INPP4B: variants seen among roughly 807,000 people sequenced by gnomAD.
INPP4B encodes the protein inositol polyphosphate 4-phosphatase type II.
Under a neutral mutation model 122.5 loss-of-function variants are expected in INPP4B, and 55 were observed. The observed-to-expected ratio is 0.45, with a 90% CI of 0.36 to 0.56. The LOEUF (loss-of-function observed/expected upper bound fraction) is 0.56, where lower values mean the gene tolerates loss of function less well. INPP4B is among the 20% of genes least tolerant of loss of function. The pLI is 0.00. For missense variants in INPP4B, 1,000 were observed against 1,097.7 expected (o/e 0.91, Z 1.26); for synonymous variants, 403 against 388.7 (o/e 1.04, Z -0.43).
chr4:142,255,183 C>T (rs1306983711), intron 11 of INPP4B, among the ~76,000 whole-genome samples: 2 of 151,508 alleles, frequency 1.3e-5, no homozygotes, highest in African/African-American at 4.9e-5. Flanking sequence ...CAGGCCTGCC[C>T]TAAAAGAGCT....
intron 2 of INPP4B, among the ~76,000 whole-genome samples, chr4:142,464,055 A>T (rs1406812682): frequency 2.6e-5 from 4 of 152,332 alleles, no homozygotes; most frequent in South Asian, 2.1e-4. Context: ...TGGCAAAGAC[A>T]GGTGAAGTAA....
chr4:142,236,229 G>GT (rs1856659354), intron 12 of INPP4B, among the ~76,000 whole-genome samples: 1 of 152,122 alleles, frequency 6.6e-6, no homozygotes, highest in Admixed American at 6.6e-5. Context: ...GTGGTTCTTG[G>GT]TGTCCAGTGG....
intron 2 of INPP4B, among the ~76,000 whole-genome samples, chr4:142,670,706 G>A (rs576264317): frequency 1.3e-5 from 2 of 152,152 alleles, no homozygotes; most frequent in South Asian, 4.1e-4. Flanking sequence ...CAGTTAGATA[G>A]AAGAAGTATG....
At chr4:142,810,768 C>T (rs879881969) in intron 1 of INPP4B, among the ~76,000 whole-genome samples, 5 of 152,098 alleles carry the variant, frequency 3.3e-5, no homozygotes, top group Non-Finnish European at 7.3e-5. Flanking sequence ...ACATTGTAAT[C>T]CTAAAGTCAC....
At chr4:142,760,590 A>G (rs1449041269) in intron 1 of INPP4B, among the ~76,000 whole-genome samples, 1 of 152,122 alleles carries the variant, frequency 6.6e-6, no homozygotes, top group East Asian at 1.9e-4. Context: ...ACTTTCAACT[A>G]CTGACTCAAA....
chr4:142,317,932 T>G (rs569688312), intron 7 of INPP4B, among the ~76,000 whole-genome samples: 10 of 152,230 alleles, frequency 6.6e-5, no homozygotes, highest in Non-Finnish European at 1.3e-4. Flanking sequence ...CTGTCTCCCA[T>G]GTTATAGAAG....
In INPP4B at chr4:142,097,225, T is replaced by TTTTATTTTATTTTATGTTA. The variant is rs70949153; in HGVS notation, c.2374+10867_2374+10868insTAACATAAAATAAAATAAA. On this transcript the variant is annotated intron_variant, in intron 23 of 25. Transcript: ENST00000262992. Reference sequence around the variant, plus strand: ...TCCATTTTTTGTTTATTTTATGTTATTTTTATTTTATTTTATTTTATTTTA... The same window carrying TTTTATTTTATTTTATGTTA: ...TCCATTTTTTGTTTATTTTATGTTATTTTATTTTATTTTATGTTATTTTATTTTATTTTATTTTATTTTA... 8.1e-5 allele frequency among the ~76,000 whole-genome samples: 11 copies of TTTTATTTTATTTTATGTTA among 135,556 alleles called. No homozygotes were observed. In the East Asian group the frequency reaches 2.1e-3, roughly 25 times the overall value. The allele number at this position is 135,556 out of a possible 152,430, so 88.9% of individuals were successfully genotyped here. A position where few individuals can be genotyped will look rare whatever the true frequency, so the allele number is the denominator to read the frequency against.
At chr4:142,524,227 G>A (rs1432826923) in intron 2 of INPP4B, among the ~76,000 whole-genome samples, 1 of 152,102 alleles carries the variant, frequency 6.6e-6, no homozygotes, top group Non-Finnish European at 1.5e-5. Flanking sequence ...CTGAGGAATC[G>A]CCGCACCGAC....
chr4:142,676,434 G>C (rs115386155), intron 2 of INPP4B, among the ~76,000 whole-genome samples: 4,400 of 151,868 alleles, frequency 0.029, 198 homozygotes, highest in African/African-American at 0.098. Context: ...TTTATAGAGC[G>C]AATACTATCC....
chr4:142,264,098 G>C (rs575996849), intron 10 of INPP4B, among the ~76,000 whole-genome samples: 2 of 152,200 alleles, frequency 1.3e-5, no homozygotes, highest in Admixed American at 6.5e-5. Flanking sequence ...GAAGCTGTGA[G>C]AGGAAAGACA....
At chr4:142,527,960 C>T (rs1050562232) in intron 2 of INPP4B, among the ~76,000 whole-genome samples, 3 of 151,802 alleles carry the variant, frequency 2.0e-5, no homozygotes, top group Non-Finnish European at 4.4e-5. Flanking sequence ...TAAATCAAGG[C>T]AATAGAACCA....
rs1244234405 is a variant in INPP4B at position 142,260,529 on chromosome 4, A to G, written c.651T>C (p.Ser217=). 4.3e-6 allele frequency: 7 copies of G among 1,610,268 alleles called. No individual in the cohort carries two copies. Among genetic ancestry groups the G allele is most frequent in the Middle Eastern group, 3.3e-4 (2 of 6,048 alleles). Residue 217 remains serine, a synonymous_variant, in exon 11 of 26, where the codon AGT becomes AGC. Transcript: ENST00000262992. ...ALVCECTAPE[S]VSGKDNLPFL... ...AAGGTAAGTTATCTTTTCCGCTCAC[A>G]CTTTCCGGGGCTGTACATTCACATA... is the stretch of plus-strand genomic sequence containing the variant.
chr4:142,107,454 C>T (rs1345722060), intron 23 of INPP4B, among the ~76,000 whole-genome samples: 1 of 152,046 alleles, frequency 6.6e-6, no homozygotes, highest in Non-Finnish European at 1.5e-5. Flanking sequence ...AATACATTCC[C>T]AGCTCTCTGA....
chr4:142,395,829 G>A (rs1799183946), intron 7 of INPP4B, among the ~76,000 whole-genome samples: 1 of 152,100 alleles, frequency 6.6e-6, no homozygotes, highest in South Asian at 2.1e-4. Context: ...CCAATTATAG[G>A]AGGAAGTATC....
chr4:142,298,478 A>G (rs1410268317), intron 9 of INPP4B, among the ~76,000 whole-genome samples: 2 of 151,858 alleles, frequency 1.3e-5, no homozygotes, highest in Non-Finnish European at 2.9e-5. Flanking sequence ...CGAGGTCAGG[A>G]GATCAAGACA....
chr4:142,169,865 T>A (rs1421638327), intron 16 of INPP4B, among the ~76,000 whole-genome samples: 3 of 151,702 alleles, frequency 2.0e-5, no homozygotes, highest in Non-Finnish European at 3.0e-5. Context: ...ATAGTGCTTT[T>A]TGATGAGCAG....
chr4:142,237,436 A>G (rs140893594), intron 12 of INPP4B, among the ~76,000 whole-genome samples: 149 of 152,262 alleles, frequency 9.8e-4, no homozygotes, highest in Non-Finnish European at 1.8e-3. Context: ...AGGTGAGGTT[A>G]ACTTTAATAA....
intron 7 of INPP4B, among the ~76,000 whole-genome samples, chr4:142,340,930 T>G (rs933379130): frequency 1.3e-5 from 2 of 152,134 alleles, no homozygotes; most frequent in Non-Finnish European, 2.9e-5. Flanking sequence ...CATATCTGGT[T>G]CTGAGAAAGG....
intron 2 of INPP4B, among the ~76,000 whole-genome samples, chr4:142,499,576 A>G (rs1319863853): frequency 2.0e-5 from 3 of 152,178 alleles, no homozygotes; most frequent in Non-Finnish European, 4.4e-5. Context: ...TTACATTTAC[A>G]AACTATTTTT....
Sources: allele counts gnomAD v4.1 joint callset (sites outside exome capture counted in the v4.1 genomes callset), GRCh38; gene constraint gnomAD v4.1.1; transcripts MANE v1.5; gene names NCBI Gene and HGNC (gene_info 2026-07-23, HGNC 2026-07-21).